The following PLCH1 variants were observed in gnomAD, a reference collection of about 807,000 sequenced individuals.
PLCH1 encodes the protein phospholipase C eta 1, also known as 1-phosphatidylinositol 4,5-bisphosphate phosphodiesterase eta-1.
A neutral mutation model predicts 126.7 loss-of-function variants in PLCH1; 60 were observed. The ratio of observed to expected loss-of-function variants is 0.47; its 90% CI spans 0.38 to 0.59. The LOEUF (loss-of-function observed/expected upper bound fraction) is 0.59. Among genes scored for constraint, PLCH1 ranks in the 20% least tolerant of loss-of-function variants. The pLI is 0.00. For missense variants in PLCH1, 1,723 were observed against 2,040.0 expected (o/e 0.84, Z 2.99); for synonymous variants, 719 against 734.9 (o/e 0.98, Z 0.35).
At chr3:155,551,925 C>A (rs185733951) in intron 9 of PLCH1, among the ~76,000 whole-genome samples, 353 of 152,230 alleles carry the variant, frequency 2.3e-3, no homozygotes, top group African/African-American at 8.3e-3. Context: ...AGGTGGCAGG[C>A]CTTCTCAACA....
intron 2 of PLCH1, among the ~76,000 whole-genome samples, chr3:155,599,344 G>GAC (rs1733414643): frequency 6.6e-6 from 1 of 152,094 alleles, no homozygotes; most frequent in African/African-American, 2.4e-5. Flanking sequence ...GTAGTAATAA[G>GAC]ACACCATCAA....
intron 2 of PLCH1, among the ~76,000 whole-genome samples, chr3:155,633,605 T>A: frequency 6.6e-6 from 1 of 152,034 alleles, no homozygotes; most frequent in East Asian, 1.9e-4. Flanking sequence ...GATGAATAAA[T>A]CAAAAGATAA....
chr3:155,500,624 G>A, intron 14 of PLCH1, 79 bp downstream of exon 14: 2 of 843,382 alleles, frequency 2.4e-6, no homozygotes, highest in Non-Finnish European at 4.0e-6. Flanking sequence ...CTCTAGACAT[G>A]TACAAGAAAA....
chr3:155,556,118 G>A (rs1015250568), intron 8 of PLCH1, among the ~76,000 whole-genome samples: 9 of 152,180 alleles, frequency 5.9e-5, no homozygotes, highest in African/African-American at 2.2e-4. Flanking sequence ...TTTGCATAAT[G>A]GAATGCTGAT....
At chr3:155,557,727 CA>C (rs1434617438) in intron 8 of PLCH1, among the ~76,000 whole-genome samples, 1 of 152,244 alleles carries the variant, frequency 6.6e-6, no homozygotes, top group East Asian at 1.9e-4. Context: ...GCCCATTTTT[CA>C]ATCAGGTTAC....
chr3:155,703,048 T>C (rs358706), intron 2 of PLCH1, among the ~76,000 whole-genome samples: 56,689 of 152,030 alleles, frequency 0.37, 11,056 homozygotes, highest in African/African-American at 0.46. Flanking sequence ...TTACATCAAC[T>C]TGGGCAGTTA....
intron 2 of PLCH1, among the ~76,000 whole-genome samples, chr3:155,608,947 A>G (rs1011318744): frequency 6.6e-6 from 1 of 152,174 alleles, no homozygotes; most frequent in African/African-American, 2.4e-5. Context: ...AACTCAAGCA[A>G]TTACAGCAAC....
intron 1 of PLCH1, among the ~76,000 whole-genome samples, chr3:155,732,424 C>T (rs1387728916): frequency 6.6e-6 from 1 of 151,380 alleles, no homozygotes; most frequent in Non-Finnish European, 1.5e-5. Flanking sequence ...CAGTGGCTCA[C>T]GCCTGTAATC....
intron 18 of PLCH1, among the ~76,000 whole-genome samples, chr3:155,492,067 G>C (rs1037438049): frequency 2.6e-5 from 4 of 152,170 alleles, no homozygotes; most frequent in Admixed American, 2.0e-4. Context: ...GTAGAGCTCT[G>C]TGATTTCCTT....
At chr3:155,524,852 A>C (rs907232549) in intron 10 of PLCH1, among the ~76,000 whole-genome samples, 1 of 152,186 alleles carries the variant, frequency 6.6e-6, no homozygotes, top group Non-Finnish European at 1.5e-5. Context: ...CTCTGTCTCT[A>C]CAAAAAATAA....
chr3:155,689,984 T>A (rs1745249664), intron 2 of PLCH1, among the ~76,000 whole-genome samples: 1 of 139,950 alleles, frequency 7.1e-6, no homozygotes, highest in African/African-American at 2.7e-5. Flanking sequence ...CATTTAATAA[T>A]CAAACTCCCA....
chr3:155,704,839 G>A (rs1746539832), intron 1 of PLCH1, among the ~76,000 whole-genome samples: 1 of 152,216 alleles, frequency 6.6e-6, no homozygotes, highest in Non-Finnish European at 1.5e-5. Context: ...GATGTAACTA[G>A]AGCTGGGCAC....
intron 12 of PLCH1, among the ~76,000 whole-genome samples, chr3:155,514,223 G>A (rs555731483): frequency 5.3e-5 from 8 of 152,338 alleles, no homozygotes; most frequent in African/African-American, 1.4e-4. Context: ...AAATGGGCCT[G>A]AGGAACAGCC....
chr3:155,584,867 C>A (rs1731154579), intron 5 of PLCH1, among the ~76,000 whole-genome samples: 1 of 152,062 alleles, frequency 6.6e-6, no homozygotes, highest in Admixed American at 6.6e-5. Context: ...GGATTGGCCT[C>A]TTACATTGAA....
At position 155,490,778 on chromosome 3, in the gene PLCH1, T is replaced by C; in HGVS notation, c.2392+6A>G. ...ATTAAAAAGTGAACACAGATTACCA[T>C]CTTACCATTGTCATCTACCACACGG... is the stretch of plus-strand genomic sequence containing the variant. On this transcript the variant is annotated splice_donor_region_variant and intron_variant, in intron 19 of 22. Coordinates refer to ENST00000460012, the MANE Select transcript of PLCH1 (RefSeq NM_014996.4). The C allele has an allele frequency of 6.8e-7, 1 of 1,478,428 alleles. No homozygotes were observed. Among genetic ancestry groups the C allele is most frequent in the South Asian group, 1.1e-5 (1 of 87,628 alleles). 91.6% of individuals were successfully genotyped at this position (1,478,428 alleles called of 1,614,324 possible).
At chr3:155,452,406 AC>A (rs1244329573) in intron 21 of PLCH1, among the ~76,000 whole-genome samples, 3 of 152,038 alleles carry the variant, frequency 2.0e-5, no homozygotes, top group African/African-American at 7.3e-5. Context: ...ACAGAGCCAA[AC>A]CATATCACCC....
intron 10 of PLCH1, among the ~76,000 whole-genome samples, chr3:155,527,714 G>A (rs1722140248): frequency 6.6e-6 from 1 of 151,978 alleles, no homozygotes; most frequent in Admixed American, 6.6e-5. Flanking sequence ...GAGGTCACGA[G>A]TTCAAGGCCA....
chr3:155,706,940 T>C (rs542002530), intron 1 of PLCH1, among the ~76,000 whole-genome samples: 10 of 152,258 alleles, frequency 6.6e-5, no homozygotes, highest in African/African-American at 1.9e-4. Context: ...ATATTGAATG[T>C]TTGTGTCTGC....
intron 1 of PLCH1, among the ~76,000 whole-genome samples, chr3:155,739,328 G>A (rs1445475596): frequency 1.3e-5 from 2 of 152,194 alleles, no homozygotes; most frequent in Non-Finnish European, 2.9e-5. Flanking sequence ...TAGGATGTCA[G>A]AAAGCACACA....
Sources: gnomAD v4.1 joint callset for allele counts (sites outside exome capture counted in the v4.1 genomes callset) on GRCh38, gnomAD v4.1.1 for gene constraint, MANE v1.5 for transcripts, NCBI Gene and HGNC (gene_info 2026-07-23, HGNC 2026-07-21) for gene names.